ARHGEF10L: variants seen among roughly 807,000 people sequenced by gnomAD.
ARHGEF10L encodes the protein rho guanine nucleotide exchange factor 10-like protein.
In ARHGEF10L, 69 loss-of-function variants were observed where a neutral mutation model predicts 141.2. That is an observed-to-expected ratio of 0.49 (90% CI 0.40 to 0.60). The LOEUF (loss-of-function observed/expected upper bound fraction) is 0.60, where lower values mean the gene tolerates loss of function less well. ARHGEF10L is among the 20% of genes least tolerant of loss of function. The pLI is 0.00. For missense variants in ARHGEF10L, 1,482 were observed against 1,734.3 expected (o/e 0.85, Z 2.58); for synonymous variants, 711 against 718.5 (o/e 0.99, Z 0.17).
At chr1:17,613,518 C>T (rs1178493589) in intron 8 of ARHGEF10L, among the ~76,000 whole-genome samples, 1 of 152,192 alleles carries the variant, frequency 6.6e-6, no homozygotes, top group Non-Finnish European at 1.5e-5. Context: ...AGTTCCAGCC[C>T]CAAGGGTGCC....
intron 27 of ARHGEF10L, among the ~76,000 whole-genome samples, chr1:17,692,763 G>GA (rs981156249): frequency 2.0e-5 from 3 of 152,234 alleles, no homozygotes; most frequent in African/African-American, 7.2e-5. Flanking sequence ...ACTGCAGCCA[G>GA]AATTATGAGC....
At chr1:17,663,557 G>GAAAAAAAAAAAAAAAAAA (rs71014976) in intron 25 of ARHGEF10L, among the ~76,000 whole-genome samples, 1 of 126,150 alleles carries the variant, frequency 7.9e-6, no homozygotes. Flanking sequence ...CTGTCTCAAA[G>GAAAAAAAAAAAAAAAAAA]AAAAAAAAAA....
intron 1 of ARHGEF10L, among the ~76,000 whole-genome samples, chr1:17,555,660 A>C (rs545835826): frequency 1.1e-3 from 162 of 152,304 alleles, no homozygotes; most frequent in African/African-American, 3.7e-3. Context: ...TGGCCTGTTT[A>C]AGCTTTTAAA....
At position 17,558,579 on chromosome 1, in the gene ARHGEF10L, TG is replaced by T. The variant is rs2077430800; in HGVS notation, c.-44+18633del. Among the ~76,000 whole-genome samples, 1 of 152,006 alleles carries T rather than the reference TG, an allele frequency of 6.6e-6. No individual in the cohort carries two copies. Among genetic ancestry groups the T allele is most frequent in the Non-Finnish European group, 1.5e-5 (1 of 67,984 alleles). ...TTGGGAGTGGCCCAGGCAGATGAGG[TG>T]GGGAATGGCTTTCAGGCCCTGGAAG... is the stretch of plus-strand genomic sequence containing the variant. On this transcript the variant is annotated intron_variant, in intron 1 of 28. Transcript: ENST00000361221. This position sits in a 1 kb window ranked among gnomAD's most constrained non-coding sequence, Gnocchi z 4.2.
chr1:17,664,948 G>A (rs1056907784), intron 26 of ARHGEF10L, among the ~76,000 whole-genome samples: 5 of 152,198 alleles, frequency 3.3e-5, no homozygotes, highest in Non-Finnish European at 5.9e-5. Flanking sequence ...GGTGTGGCCA[G>A]GGTGGATGCA....
intron 1 of ARHGEF10L, among the ~76,000 whole-genome samples, chr1:17,554,188 T>TC (rs1242036808): frequency 3.9e-5 from 6 of 152,098 alleles, no homozygotes; most frequent in Non-Finnish European, 7.4e-5. Context: ...AGAAATGATG[T>TC]TGAGTCAGAT....
chr1:17,568,893 C>T (rs2100318651), intron 1 of ARHGEF10L, among the ~76,000 whole-genome samples: 1 of 152,274 alleles, frequency 6.6e-6, no homozygotes, highest in South Asian at 2.1e-4. Flanking sequence ...CCCTGCTCTC[C>T]CTCCCCCAAC....
At chr1:17,552,547 T>C (rs1203407043) in intron 1 of ARHGEF10L, among the ~76,000 whole-genome samples, 6 of 147,038 alleles carry the variant, frequency 4.1e-5, no homozygotes, top group African/African-American at 1.3e-4. Flanking sequence ...TACAGGTGCA[T>C]GCTACCACAG....
chr1:17,536,876 AT>A (rs970941619), upstream of ARHGEF10L, among the ~76,000 whole-genome samples: 159 of 148,016 alleles, frequency 1.1e-3, 2 homozygotes, highest in Middle Eastern at 0.014. Context: ...CTGGCTTTTA[AT>A]TTTTTTTTTT....
intron 16 of ARHGEF10L, among the ~76,000 whole-genome samples, chr1:17,633,724 T>G (rs533588870): frequency 6.6e-6 from 1 of 152,116 alleles, no homozygotes; most frequent in Non-Finnish European, 1.5e-5. Flanking sequence ...AGGGAAACAA[T>G]CACCTCAGTG....
intron 7 of ARHGEF10L, among the ~76,000 whole-genome samples, chr1:17,612,594 T>A (rs554313899): frequency 6.6e-6 from 1 of 152,328 alleles, no homozygotes; most frequent in Non-Finnish European, 1.5e-5. Flanking sequence ...TTTACCCACT[T>A]ATCCATTTAT....
intron 1 of ARHGEF10L, among the ~76,000 whole-genome samples, chr1:17,577,162 A>G (rs1452201095): frequency 1.3e-5 from 2 of 152,128 alleles, no homozygotes; most frequent in African/African-American, 2.4e-5. Flanking sequence ...CTCCTGCTTC[A>G]GCTTCTCGAG....
chr1:17,651,901 A>T (rs2061958945), intron 22 of ARHGEF10L, among the ~76,000 whole-genome samples: 1 of 152,064 alleles, frequency 6.6e-6, no homozygotes, highest in Non-Finnish European at 1.5e-5. Context: ...CCCCACCACC[A>T]GTCCAGACAA....
chr1:17,691,250 A>ATT (rs954630203), intron 27 of ARHGEF10L: 6 of 371,368 alleles, frequency 1.6e-5, no homozygotes, highest in South Asian at 2.0e-5. Flanking sequence ...CACCATTAGA[A>ATT]TTTTTTTTTT....
chr1:17,541,148 C>T (rs1274746985), intron 1 of ARHGEF10L, among the ~76,000 whole-genome samples: 1 of 152,172 alleles, frequency 6.6e-6, no homozygotes, highest in Non-Finnish European at 1.5e-5. Context: ...CTTCCTGAGG[C>T]CCCCTGTCCC....
chr1:17,518,033 T>C, the ARHGEF10L span, among the ~76,000 whole-genome samples: 2 of 152,346 alleles, frequency 1.3e-5, no homozygotes, highest in South Asian at 4.1e-4. Context: ...AGATTGTAAA[T>C]ATTTTTGGCT....
At position 17,664,671 on chromosome 1, in the gene ARHGEF10L, G is replaced by A. The variant is rs577384454; in HGVS notation, c.3009+76G>A. Reference sequence around the variant, plus strand: ...CTGACCCTTTCTTATGTCCACCCCGGCACCGCTTTCAGCTCCCAGTGGCAT... The same window carrying A: ...CTGACCCTTTCTTATGTCCACCCCGACACCGCTTTCAGCTCCCAGTGGCAT... On this transcript the variant is annotated intron_variant, in intron 26 of 28. Transcript: ENST00000361221. 73 of 1,404,978 alleles carry A rather than the reference G, an allele frequency of 5.2e-5. No homozygotes were observed. In the Admixed American group the frequency reaches 2.0e-3, roughly 38 times the overall value. 87.0% of individuals were successfully genotyped at this position (1,404,978 alleles called of 1,614,324 possible).
intron 8 of ARHGEF10L, among the ~76,000 whole-genome samples, chr1:17,613,646 C>T (rs2059656949): frequency 6.6e-6 from 1 of 152,266 alleles, no homozygotes; most frequent in Admixed American, 6.5e-5. Flanking sequence ...TCTCTCCACA[C>T]TATTCAGAGG....
chr1:17,677,105 G>A (rs542532101), intron 26 of ARHGEF10L, among the ~76,000 whole-genome samples: 1 of 152,254 alleles, frequency 6.6e-6, no homozygotes, highest in African/African-American at 2.4e-5. Context: ...AAGGAGATGG[G>A]CAGAGGCAGT....
Sources: allele counts gnomAD v4.1 joint callset (sites outside exome capture counted in the v4.1 genomes callset), GRCh38; gene constraint gnomAD v4.1.1; non-coding constraint Gnocchi (gnomAD v3.1); transcripts MANE v1.5; gene names NCBI Gene and HGNC (gene_info 2026-07-23, HGNC 2026-07-21).